The following KLF12 variants were observed in gnomAD, a reference collection of about 807,000 sequenced individuals.
KLF12 encodes the protein KLF transcription factor 12, also known as Krueppel-like factor 12.
Under a neutral mutation model 37.8 loss-of-function variants are expected in KLF12, and 9 were observed. The observed-to-expected ratio is 0.24, with a 90% confidence interval of 0.14 to 0.42. The LOEUF (loss-of-function observed/expected upper bound fraction) is 0.42, where lower values mean the gene tolerates loss of function less well. KLF12 is among the 10% of genes least tolerant of loss of function. The pLI is 1.00. For missense variants in KLF12, 411 were observed against 516.0 expected, an observed-to-expected ratio of 0.80 and a Z score of 1.97; for synonymous variants, 208 against 202.1, an observed-to-expected ratio of 1.03 and a Z score of -0.25.
chr13:74,042,301 C>T (rs2138545772), intron 1 of KLF12, among the ~76,000 whole-genome samples: 1 of 130,688 alleles, frequency 7.7e-6, no homozygotes, highest in African/African-American at 3.1e-5. Context: ...GAGACTCCAT[C>T]TCAAAAAAAA....
chr13:74,214,642 ATT>A, the KLF12 span, among the ~76,000 whole-genome samples: 254 of 148,958 alleles, frequency 1.7e-3, no homozygotes, highest in Non-Finnish European at 2.9e-3. Context: ...CTGATTTCAG[ATT>A]TTTTTTTTTC....
At chr13:74,151,430 T>C in the KLF12 span, among the ~76,000 whole-genome samples, 1 of 152,112 alleles carries the variant, frequency 6.6e-6, no homozygotes, top group African/African-American at 2.4e-5. Context: ...GTGGGCGGAT[T>C]GCTTGACCCC....
chr13:74,011,843 G>A (rs942962335), intron 1 of KLF12, among the ~76,000 whole-genome samples: 1 of 152,130 alleles, frequency 6.6e-6, no homozygotes, highest in African/African-American at 2.4e-5. Context: ...ACAGTACTGG[G>A]TTAAATAAGT....
chr13:74,232,299 T>C, the KLF12 span, among the ~76,000 whole-genome samples: 2 of 152,358 alleles, frequency 1.3e-5, no homozygotes, highest in South Asian at 4.1e-4. Flanking sequence ...TTAAGTACAT[T>C]TTAAATAGAT....
intron 1 of KLF12, among the ~76,000 whole-genome samples, chr13:74,056,414 TTACAG>T (rs1355132360): frequency 2.0e-5 from 3 of 152,224 alleles, no homozygotes; most frequent in African/African-American, 7.2e-5. Flanking sequence ...GTCATTCTAC[TTACAG>T]TAAAGATTAA....
chr13:74,008,492 T>C (rs1249365207), intron 1 of KLF12, among the ~76,000 whole-genome samples: 1 of 152,260 alleles, frequency 6.6e-6, no homozygotes, highest in Non-Finnish European at 1.5e-5. Context: ...TGATGAATTC[T>C]TATGGCTGAC....
chr13:74,060,062 T>C (rs1030490621), intron 1 of KLF12, among the ~76,000 whole-genome samples: 7 of 152,196 alleles, frequency 4.6e-5, no homozygotes, highest in Non-Finnish European at 8.8e-5. Context: ...CAAAGATCAG[T>C]TGGTTGCAGT....
intron 3 of KLF12, among the ~76,000 whole-genome samples, chr13:73,900,679 C>T (rs1887997245): frequency 6.6e-6 from 1 of 151,848 alleles, no homozygotes; most frequent in African/African-American, 2.4e-5. Context: ...TTCTCCAACA[C>T]CACAATTGAA....
intron 1 of KLF12, among the ~76,000 whole-genome samples, chr13:74,111,033 A>G (rs1876941292): frequency 6.6e-6 from 1 of 151,884 alleles, no homozygotes; most frequent in African/African-American, 2.4e-5. Flanking sequence ...GGCGCCTGTA[A>G]TCCTAACTAC....
intron 1 of KLF12, among the ~76,000 whole-genome samples, chr13:74,045,071 C>T (rs770246196): frequency 6.6e-6 from 1 of 152,128 alleles, no homozygotes; most frequent in Non-Finnish European, 1.5e-5. Flanking sequence ...ATACTTCACA[C>T]CCAAGGAGGT....
intron 2 of KLF12, among the ~76,000 whole-genome samples, chr13:73,973,672 T>A (rs1379918554): frequency 6.6e-6 from 1 of 150,514 alleles, no homozygotes; most frequent in East Asian, 2.0e-4. Context: ...CAAGACAAGG[T>A]AAAACAAAGT....
intron 5 of KLF12, among the ~76,000 whole-genome samples, chr13:73,777,966 T>C (rs1880724588): frequency 6.6e-6 from 1 of 151,654 alleles, no homozygotes; most frequent in Non-Finnish European, 1.5e-5. Context: ...ATGCCATCTC[T>C]ACCAAGAATA....
At chr13:74,211,947 G>A in the KLF12 span, among the ~76,000 whole-genome samples, 1 of 151,798 alleles carries the variant, frequency 6.6e-6, no homozygotes, top group African/African-American at 2.4e-5. Context: ...CTTTTCTTTG[G>A]GTAAAGATCT....
At chr13:74,159,599 A>G in the KLF12 span, among the ~76,000 whole-genome samples, 2 of 152,204 alleles carry the variant, frequency 1.3e-5, no homozygotes, top group African/African-American at 4.8e-5. Context: ...TGTTTAGCAC[A>G]TGTAACCCCA....
intron 3 of KLF12, among the ~76,000 whole-genome samples, chr13:73,897,982 G>C (rs1887866583): frequency 6.6e-6 from 1 of 152,090 alleles, no homozygotes; most frequent in Non-Finnish European, 1.5e-5. Context: ...AGTTCTTCAA[G>C]ATTCTACATT....
intron 5 of KLF12, among the ~76,000 whole-genome samples, chr13:73,796,946 C>A (rs920849693): frequency 2.6e-5 from 4 of 152,078 alleles, no homozygotes; most frequent in African/African-American, 7.2e-5. Context: ...GAACACGATT[C>A]CATACATGAA....
At chr13:74,159,878 CT>C in the KLF12 span, among the ~76,000 whole-genome samples, 1 of 151,612 alleles carries the variant, frequency 6.6e-6, no homozygotes, top group East Asian at 1.9e-4. Flanking sequence ...AACTGCATGT[CT>C]GTGTCCCAGC....
At chr13:73,963,926 C>A (rs909049277) in intron 2 of KLF12, among the ~76,000 whole-genome samples, 3 of 152,126 alleles carry the variant, frequency 2.0e-5, no homozygotes, top group Admixed American at 2.0e-4. Context: ...AAAGATTGTG[C>A]CCCTCAATAA....
At chr13:74,297,190 C>G in the KLF12 span, among the ~76,000 whole-genome samples, 1 of 152,158 alleles carries the variant, frequency 6.6e-6, no homozygotes, top group African/African-American at 2.4e-5. Context: ...ATATGCCAGA[C>G]TATTCAGAAA....
Sources: allele counts gnomAD v4.1 joint callset (sites outside exome capture counted in the v4.1 genomes callset), GRCh38; gene constraint gnomAD v4.1.1; transcripts MANE v1.5; gene names NCBI Gene and HGNC (gene_info 2026-07-23, HGNC 2026-07-21).